The following GPC5 variants were observed in gnomAD, a reference collection of about 807,000 sequenced individuals.
GPC5 encodes glypican-5.
A neutral mutation model predicts 53.9 loss-of-function variants in GPC5; 47 were observed. That is an observed-to-expected ratio of 0.87 (90% CI 0.69 to 1.11). The LOEUF is 1.11. Ranked by LOEUF, GPC5 falls within the 50% of genes most tolerant of loss-of-function variation. The probability of loss-of-function intolerance (pLI) is 0.00; values close to 1 mark genes in which losing one functional copy is unlikely to be tolerated. For synonymous variants in GPC5, 286 were observed against 263.3 expected, an observed-to-expected ratio of 1.09 and a Z score of -0.84; for missense variants, 748 against 713.1, an observed-to-expected ratio of 1.05 and a Z score of -0.56.
intron 7 of GPC5, among the ~76,000 whole-genome samples, chr13:92,385,652 CA>C (rs1376330076): frequency 7.1e-6 from 1 of 141,736 alleles, no homozygotes; most frequent in African/African-American, 2.6e-5. Context: ...CCTATATACA[CA>C]TATATATATA....
intron 6 of GPC5, among the ~76,000 whole-genome samples, chr13:92,066,843 G>A (rs985919143): frequency 2.6e-5 from 4 of 151,696 alleles, no homozygotes; most frequent in Non-Finnish European, 5.9e-5. Context: ...TTTTTTTCTT[G>A]AGGTGAGAGG....
intron 6 of GPC5, among the ~76,000 whole-genome samples, chr13:92,054,184 GTA>G (rs998566587): frequency 7.3e-6 from 1 of 137,670 alleles, no homozygotes; most frequent in African/African-American, 2.7e-5. Context: ...GTGTGTGTGT[GTA>G]GGCTCAAATG....
At chr13:91,682,195 G>A (rs1257777925) in intron 2 of GPC5, among the ~76,000 whole-genome samples, 1 of 152,148 alleles carries the variant, frequency 6.6e-6, no homozygotes, top group Non-Finnish European at 1.5e-5. Context: ...TGTGTGCTAT[G>A]TTTACTTATA....
intron 7 of GPC5, among the ~76,000 whole-genome samples, chr13:92,264,067 A>G (rs533719504): frequency 1.1e-4 from 17 of 152,272 alleles, no homozygotes; most frequent in African/African-American, 4.1e-4. Flanking sequence ...ATAAATAAAC[A>G]TAATTATTTG....
At chr13:92,285,538 C>G (rs757884331) in intron 7 of GPC5, among the ~76,000 whole-genome samples, 18 of 152,158 alleles carry the variant, frequency 1.2e-4, no homozygotes, top group Admixed American at 2.0e-4. Flanking sequence ...GGTACCACAA[C>G]AGAGATATAG....
At chr13:92,825,377 A>G (rs1184153796) in intron 7 of GPC5, among the ~76,000 whole-genome samples, 1 of 152,180 alleles carries the variant, frequency 6.6e-6, no homozygotes, top group East Asian at 1.9e-4. Flanking sequence ...TATAATGCGC[A>G]TGCAATAAAA....
intron 6 of GPC5, among the ~76,000 whole-genome samples, chr13:91,923,845 C>T (rs1385971493): frequency 1.3e-5 from 2 of 152,132 alleles, no homozygotes; most frequent in South Asian, 4.2e-4. Flanking sequence ...TTCTCTTAGC[C>T]TTATAAAAGC....
At chr13:91,886,156 G>T (rs967326567) in intron 5 of GPC5, among the ~76,000 whole-genome samples, 1 of 152,138 alleles carries the variant, frequency 6.6e-6, no homozygotes, top group African/African-American at 2.4e-5. Context: ...AGGCCTCAAA[G>T]TCATGGCAGA....
chr13:92,808,306 A>G (rs1293686236), intron 7 of GPC5, among the ~76,000 whole-genome samples: 1 of 152,152 alleles, frequency 6.6e-6, no homozygotes, highest in Non-Finnish European at 1.5e-5. Flanking sequence ...GTATGCACAC[A>G]CACACATAGC....
intron 2 of GPC5, among the ~76,000 whole-genome samples, chr13:91,500,218 A>G (rs2139291830): frequency 6.6e-6 from 1 of 152,276 alleles, no homozygotes; most frequent in South Asian, 2.1e-4. Flanking sequence ...GAGGATAGGG[A>G]CTTTTCTTCA....
At chr13:91,873,338 A>G (rs540514111) in intron 5 of GPC5, among the ~76,000 whole-genome samples, 1 of 152,054 alleles carries the variant, frequency 6.6e-6, no homozygotes, top group South Asian at 2.1e-4. Flanking sequence ...TTTTGTTTTT[A>G]TTTTTGATAG....
rs187185380 is a variant in GPC5 at position 92,601,209 on chromosome 13, T to G, written c.1562-265073T>G. Among the ~76,000 whole-genome samples, 3 of 152,282 alleles carry G rather than the reference T, an allele frequency of 2.0e-5. No homozygotes were observed. The East Asian group carries it at 5.8e-4, about 29-fold the overall frequency. ...CTTTATTTCCAATACTAAGCTTATT[T>G]TATTGTAATACAGTTATTTGTACCA... is the stretch of plus-strand genomic sequence containing the variant. On this transcript the variant is annotated intron_variant, in intron 7 of 7. Transcript: ENST00000377067.
At chr13:92,465,796 A>G (rs551891013) in intron 7 of GPC5, among the ~76,000 whole-genome samples, 1 of 152,218 alleles carries the variant, frequency 6.6e-6, no homozygotes, top group African/African-American at 2.4e-5. Flanking sequence ...TAGTCCAATG[A>G]CGTTCATTAA....
At chr13:92,038,789 A>C (rs1317785836) in intron 6 of GPC5, among the ~76,000 whole-genome samples, 1 of 152,068 alleles carries the variant, frequency 6.6e-6, no homozygotes, top group Non-Finnish European at 1.5e-5. Flanking sequence ...TGGGTTACCA[A>C]ATGAGCGAAT....
intron 2 of GPC5, among the ~76,000 whole-genome samples, chr13:91,624,772 G>A (rs939259052): frequency 1.3e-5 from 2 of 151,752 alleles, no homozygotes; most frequent in African/African-American, 4.8e-5. Flanking sequence ...GTTAATTATG[G>A]ATCAAAACAG....
At chr13:92,549,884 TACACACACACACACACACACACACAC>T (rs34914341) in intron 7 of GPC5, among the ~76,000 whole-genome samples, 1 of 140,804 alleles carries the variant, frequency 7.1e-6, no homozygotes, top group South Asian at 2.3e-4. Context: ...AACACACACA[TACACACACACACACACACACACACAC>T]ACACACACAC....
chr13:92,551,915 GT>G lies in GPC5; in HGVS notation c.1562-314364del, dbSNP rs1230897600. ...GGCAAACTGGAAATAACTTTTAGCT[GT>G]TTAAAGAGTTTATAATTTTCCAGTT... On this transcript the variant is annotated intron_variant, in intron 7 of 7. Coordinates refer to ENST00000377067, the MANE Select transcript of GPC5 (RefSeq NM_004466.6). 7.9e-5 allele frequency among the ~76,000 whole-genome samples: 12 copies of G among 151,922 alleles called. 1 individual carries two copies. Among genetic ancestry groups the G allele is most frequent in the African/African-American group, 2.9e-4 (12 of 41,524 alleles).
chr13:91,660,617 T>A (rs2034965191), intron 2 of GPC5, among the ~76,000 whole-genome samples: 1 of 152,226 alleles, frequency 6.6e-6, no homozygotes, highest in African/African-American at 2.4e-5. Flanking sequence ...TGGGATCATC[T>A]GTTTGCAGCA....
intron 7 of GPC5, among the ~76,000 whole-genome samples, chr13:92,635,216 C>T (rs1426418398): frequency 3.9e-5 from 6 of 152,020 alleles, no homozygotes; most frequent in Non-Finnish European, 8.8e-5. Flanking sequence ...AGGATATACA[C>T]GTTCTTTTGA....
Sources: allele counts gnomAD v4.1 joint callset (sites outside exome capture counted in the v4.1 genomes callset), GRCh38; gene constraint gnomAD v4.1.1; transcripts MANE v1.5; gene names NCBI Gene and HGNC (gene_info 2026-07-23, HGNC 2026-07-21).